The following LOC128125817 variants were observed in gnomAD, a reference collection of about 807,000 sequenced individuals.
At chr1:41,611,971 G>C in the LOC128125817 span, among the ~76,000 whole-genome samples, 1 of 152,044 alleles carries the variant, frequency 6.6e-6, no homozygotes, top group Non-Finnish European at 1.5e-5. Flanking sequence ...CGCCCTTCTT[G>C]ATGGCCCAGG....
chr1:41,616,794 C>T, the LOC128125817 span, among the ~76,000 whole-genome samples: 2 of 152,122 alleles, frequency 1.3e-5, no homozygotes, highest in African/African-American at 4.8e-5. Context: ...TATGTACATT[C>T]CTCAGCACTC....
the LOC128125817 span, among the ~76,000 whole-genome samples, chr1:41,608,303 G>C: frequency 6.6e-6 from 1 of 152,148 alleles, no homozygotes; most frequent in Admixed American, 6.5e-5. Flanking sequence ...TTTTCTCCAT[G>C]GTGGGCATAA....
At chr1:41,613,553 T>C in the LOC128125817 span, among the ~76,000 whole-genome samples, 1 of 152,242 alleles carries the variant, frequency 6.6e-6, no homozygotes, top group Non-Finnish European at 1.5e-5. Flanking sequence ...CTTCAGTTAA[T>C]AGTTTGCAGA....
chr1:41,609,096 C>T, the LOC128125817 span, among the ~76,000 whole-genome samples: 30 of 151,956 alleles, frequency 2.0e-4, no homozygotes, highest in African/African-American at 7.3e-4. Context: ...GTCATCATAC[C>T]AATTCCTAGG....
At chr1:41,605,393 A>G in the LOC128125817 span, among the ~76,000 whole-genome samples, 1 of 151,964 alleles carries the variant, frequency 6.6e-6, no homozygotes, top group African/African-American at 2.4e-5. Flanking sequence ...ACACACACAC[A>G]CACACACACA....
chr1:41,616,348 C>T, the LOC128125817 span, among the ~76,000 whole-genome samples: 8 of 152,230 alleles, frequency 5.3e-5, no homozygotes, highest in South Asian at 2.1e-4. Context: ...GCACAAAGGA[C>T]GTGTCTTGGC....
chr1:41,626,037 C>T, the LOC128125817 span, among the ~76,000 whole-genome samples: 90,064 of 152,080 alleles, frequency 0.59, 27,509 homozygotes, highest in African/African-American at 0.75. Context: ...TGTCCTCTAG[C>T]TTCTCATTCA....
the LOC128125817 span, among the ~76,000 whole-genome samples, chr1:41,623,642 G>A: frequency 6.6e-6 from 1 of 152,150 alleles, no homozygotes; most frequent in African/African-American, 2.4e-5. Context: ...CAGGACTCCT[G>A]GGTTTCATTC....
At chr1:41,600,831 CTA>C in the LOC128125817 span, among the ~76,000 whole-genome samples, 1 of 152,076 alleles carries the variant, frequency 6.6e-6, no homozygotes, top group African/African-American at 2.4e-5. Context: ...AAGTTTTCTC[CTA>C]TGTTTTCTTC....
At chr1:41,589,289 G>A in the LOC128125817 span, among the ~76,000 whole-genome samples, 37 of 152,330 alleles carry the variant, frequency 2.4e-4, no homozygotes, top group African/African-American at 8.4e-4. Flanking sequence ...GAGAGCTCTC[G>A]CTCAGAGACC....
the LOC128125817 span, among the ~76,000 whole-genome samples, chr1:41,588,574 A>G: frequency 6.6e-6 from 1 of 152,012 alleles, no homozygotes. Flanking sequence ...CTGCATCATC[A>G]GATGACTACA....
chr1:41,622,283 C>T, the LOC128125817 span, among the ~76,000 whole-genome samples: 8 of 152,114 alleles, frequency 5.3e-5, no homozygotes, highest in African/African-American at 1.7e-4. Context: ...AGTAAAGGTC[C>T]TAATGCCATG....
chr1:41,628,375 G>A, the LOC128125817 span, among the ~76,000 whole-genome samples: 1 of 152,188 alleles, frequency 6.6e-6, no homozygotes, highest in Non-Finnish European at 1.5e-5. Context: ...GTAGACCTCT[G>A]GCTATCAGGA....
chr1:41,606,955 T>C, the LOC128125817 span, among the ~76,000 whole-genome samples: 27 of 152,266 alleles, frequency 1.8e-4, 1 homozygote, highest in South Asian at 1.5e-3. Flanking sequence ...GTATGATCTT[T>C]CTAGTTTAAA....
At chr1:41,586,473 C>G in the LOC128125817 span, among the ~76,000 whole-genome samples, 1 of 152,236 alleles carries the variant, frequency 6.6e-6, no homozygotes, top group South Asian at 2.1e-4. Flanking sequence ...TCTCAGGTGT[C>G]CATCCCCTGG....
the LOC128125817 span, among the ~76,000 whole-genome samples, chr1:41,626,419 T>C: frequency 1.1e-3 from 175 of 152,264 alleles, 2 homozygotes; most frequent in African/African-American, 4.0e-3. Flanking sequence ...CATTTCCCTC[T>C]GGGCAAGTCC....
At chr1:41,616,267 T>G in the LOC128125817 span, among the ~76,000 whole-genome samples, 2 of 152,228 alleles carry the variant, frequency 1.3e-5, no homozygotes, top group African/African-American at 4.8e-5. Flanking sequence ...GCTCCACTGA[T>G]GAATGCCACA....
the LOC128125817 span, among the ~76,000 whole-genome samples, chr1:41,614,834 G>A: frequency 5.3e-5 from 8 of 152,168 alleles, no homozygotes; most frequent in Non-Finnish European, 1.0e-4. Context: ...CTGATGATAC[G>A]CTGGCCAGTT....
chr1:41,624,178 C>T, the LOC128125817 span, among the ~76,000 whole-genome samples: 1 of 152,166 alleles, frequency 6.6e-6, no homozygotes, highest in Non-Finnish European at 1.5e-5. Flanking sequence ...CTCCTTCCTC[C>T]TCTGCCTCCA....
Sources: allele counts gnomAD v4.1 joint callset (sites outside exome capture counted in the v4.1 genomes callset), GRCh38; gene constraint gnomAD v4.1.1; transcripts MANE v1.5.